The following GALNTL6 variants were observed in gnomAD, a reference collection of about 807,000 sequenced individuals.
GALNTL6 encodes polypeptide N-acetylgalactosaminyltransferase-like 6.
GALNTL6 carries 46 observed loss-of-function variants against 73.7 expected under a neutral mutation model. The observed-to-expected ratio is 0.62, with a 90% CI of 0.49 to 0.80. The LOEUF (loss-of-function observed/expected upper bound fraction) is 0.80, where lower values mean the gene tolerates loss of function less well. GALNTL6 is among the 30% of genes least tolerant of loss of function. The probability of loss-of-function intolerance (pLI) is 0.00; values close to 1 mark genes in which losing one functional copy is unlikely to be tolerated. For synonymous variants in GALNTL6, 259 were observed against 263.7 expected (o/e 0.98, Z 0.17); for missense variants, 604 against 755.0 (o/e 0.80, Z 2.34).
At chr4:172,924,434 G>C (rs145228635) in intron 8 of GALNTL6, among the ~76,000 whole-genome samples, 2 of 152,226 alleles carry the variant, frequency 1.3e-5, no homozygotes, top group African/African-American at 4.8e-5. Flanking sequence ...TTGGCACCTA[G>C]TGAGTGCTCA....
intron 2 of GALNTL6, among the ~76,000 whole-genome samples, chr4:172,217,312 C>T (rs1186138265): frequency 6.6e-6 from 1 of 152,044 alleles, no homozygotes; most frequent in African/African-American, 2.4e-5. Context: ...CATAATGTTA[C>T]GCAGGAGTCA....
At chr4:172,115,245 C>T (rs543242998) in intron 2 of GALNTL6, among the ~76,000 whole-genome samples, 1 of 151,998 alleles carries the variant, frequency 6.6e-6, no homozygotes, top group African/African-American at 2.4e-5. Flanking sequence ...AGTTCTCTTT[C>T]TAAGTGTAAT....
At position 172,756,486 on chromosome 4, in the gene GALNTL6, A is replaced by G. The variant is rs544334622; in HGVS notation, c.554-52875A>G. ...TGGTGAAACCTCATCTCTACCAAAAATACAAAAAATTAGTGGGGCATGGTG... is the reference window on the plus strand; with the variant it reads ...TGGTGAAACCTCATCTCTACCAAAAGTACAAAAAATTAGTGGGGCATGGTG... On this transcript the variant is annotated intron_variant, in intron 5 of 12. Transcript: ENST00000506823. Among the ~76,000 whole-genome samples the G allele has an allele frequency of 6.0e-4, 92 of 152,116 alleles. 1 individual carries two copies. The highest frequency in any genetic ancestry group is 1.2e-3 in the Non-Finnish European group (85 of 68,030).
chr4:172,014,732 G>A (rs1202123997), intron 2 of GALNTL6, among the ~76,000 whole-genome samples: 1 of 151,964 alleles, frequency 6.6e-6, no homozygotes, highest in Non-Finnish European at 1.5e-5. Flanking sequence ...TGTCCTGGAG[G>A]TTTAATAGGT....
intron 5 of GALNTL6, among the ~76,000 whole-genome samples, chr4:172,581,438 A>C (rs899360055): frequency 6.6e-5 from 10 of 152,154 alleles, no homozygotes; most frequent in African/African-American, 2.4e-4. Context: ...CGAGTTCATC[A>C]TGGCAGCCTG....
rs186487901 is a variant in GALNTL6 at position 173,004,401 on chromosome 4, C to T, written c.1372-4777C>T. Among the ~76,000 whole-genome samples, 5 of 152,264 alleles carry T rather than the reference C, an allele frequency of 3.3e-5. No homozygotes were observed. The East Asian group carries it at 5.8e-4, about 18-fold the overall frequency. Reference sequence around the variant, plus strand: ...CCAGCACTTTGAGAGGCCAAGGCAGCGGATCATCTGAGGTCAGGAGTTCAA... The same window carrying T: ...CCAGCACTTTGAGAGGCCAAGGCAGTGGATCATCTGAGGTCAGGAGTTCAA... On this transcript the variant is annotated intron_variant, in intron 10 of 12. Coordinates refer to ENST00000506823, the MANE Select transcript of GALNTL6 (RefSeq NM_001034845.3).
At chr4:172,674,576 T>C (rs72990404) in intron 5 of GALNTL6, among the ~76,000 whole-genome samples, 6,046 of 152,252 alleles carry the variant, frequency 0.04, 328 homozygotes, top group Admixed American at 0.11. Context: ...TTGGTTCCAT[T>C]CTCCCCATCC....
intron 2 of GALNTL6, among the ~76,000 whole-genome samples, chr4:171,984,146 G>A (rs879882931): frequency 3.9e-5 from 6 of 152,166 alleles, no homozygotes; most frequent in South Asian, 2.1e-4. Context: ...TGGCAGGCCC[G>A]TGGGAAGGAG....
intron 2 of GALNTL6, among the ~76,000 whole-genome samples, chr4:172,046,492 T>C (rs1560899068): frequency 6.6e-6 from 1 of 152,154 alleles, no homozygotes; most frequent in Non-Finnish European, 1.5e-5. Context: ...TCACTAGTTG[T>C]ATACAAGTGT....
chr4:172,974,831 C>T (rs1001487521), intron 10 of GALNTL6, among the ~76,000 whole-genome samples: 4 of 152,200 alleles, frequency 2.6e-5, no homozygotes, highest in African/African-American at 4.8e-5. Flanking sequence ...GGCACCGGCA[C>T]GGACACTGGC....
intron 8 of GALNTL6, among the ~76,000 whole-genome samples, chr4:172,887,080 G>T (rs550183453): frequency 6.6e-6 from 1 of 152,132 alleles, no homozygotes; most frequent in East Asian, 1.9e-4. Flanking sequence ...GAAAACATGT[G>T]GTATTTGATT....
intron 5 of GALNTL6, among the ~76,000 whole-genome samples, chr4:172,351,181 G>GTCTGTCTGTCTGTCTATCTA (rs139731159): frequency 8.2e-6 from 1 of 122,518 alleles, no homozygotes; most frequent in African/African-American, 3.1e-5. Context: ...ACAATAATCT[G>GTCTGTCTGTCTGTCTATCTA]TCTATCTATC....
chr4:172,933,528 A>G (rs1305140050), intron 9 of GALNTL6, among the ~76,000 whole-genome samples: 1 of 152,076 alleles, frequency 6.6e-6, no homozygotes, highest in African/African-American at 2.4e-5. Context: ...AATCTTTTCC[A>G]CTCAAATTTT....
At chr4:171,839,526 C>T (rs1735188013) in intron 2 of GALNTL6, among the ~76,000 whole-genome samples, 1 of 151,942 alleles carries the variant, frequency 6.6e-6, no homozygotes, top group African/African-American at 2.4e-5. Flanking sequence ...ATCTTGGTAA[C>T]TCTACTTATG....
Position 172,252,513 on chromosome 4 carries a change from T to TGTGG in GALNTL6, c.247+22751_247+22754dup, listed in dbSNP as rs1489566708. Among the ~76,000 whole-genome samples, 5 of 152,068 alleles carry TGTGG rather than the reference T, an allele frequency of 3.3e-5. No homozygotes were observed. The East Asian group carries it at 9.6e-4, about 29-fold the overall frequency. ...GCAGGATAGGGAAATTTTTTTGAAT[T>TGTGG]GTGGGCTGTATATAGCTAAAGATAA... On this transcript the variant is annotated intron_variant, in intron 3 of 12. Transcript: ENST00000506823.
rs112467078 is a variant in GALNTL6, at chr4:172,545,011, A to G, written c.553+196322A>G. On this transcript the variant is annotated intron_variant, in intron 5 of 12. Coordinates refer to ENST00000506823, the MANE Select transcript of GALNTL6 (RefSeq NM_001034845.3). ...AGTGAATATATAGTCACAGAGGGAA[A>G]CTAGAGATTTATGCATGCTTGTATG... Among the ~76,000 whole-genome samples, 1,212 of 152,286 alleles carry G rather than the reference A, an allele frequency of 8.0e-3. 18 individuals carry two copies. Among genetic ancestry groups the G allele is most frequent in the African/African-American group, 0.027 (1,136 of 41,552 alleles).
chr4:172,088,885 C>G (rs546089155), intron 2 of GALNTL6, among the ~76,000 whole-genome samples: 15 of 152,228 alleles, frequency 9.9e-5, no homozygotes, highest in Admixed American at 1.3e-4. Flanking sequence ...GTGAAATAGT[C>G]TCGTTTCCTT....
At chr4:172,924,932 C>T (rs1035188791) in intron 8 of GALNTL6, among the ~76,000 whole-genome samples, 1 of 152,102 alleles carries the variant, frequency 6.6e-6, no homozygotes, top group Admixed American at 6.5e-5. Context: ...AGTGCAGTGG[C>T]GCGATCTCGG....
intron 2 of GALNTL6, among the ~76,000 whole-genome samples, chr4:172,093,013 A>G (rs897918801): frequency 1.3e-5 from 2 of 151,476 alleles, no homozygotes; most frequent in Admixed American, 1.3e-4. Context: ...AGCTGGGACT[A>G]CAGGCGCCCA....
Sources: allele counts gnomAD v4.1 joint callset (sites outside exome capture counted in the v4.1 genomes callset), GRCh38; gene constraint gnomAD v4.1.1; transcripts MANE v1.5; gene names NCBI Gene and HGNC (gene_info 2026-07-23, HGNC 2026-07-21).